The following ADH1C variants were observed in gnomAD, a reference collection of about 807,000 sequenced individuals.
ADH1C encodes alcohol dehydrogenase 1C.
ADH1C carries 26 observed loss-of-function variants against 35.0 expected under a neutral mutation model. That is an observed-to-expected ratio of 0.74 (90% CI 0.54 to 1.03). The LOEUF is 1.03. ADH1C is among the 50% of genes least tolerant of loss of function. The pLI is 0.00. For synonymous variants in ADH1C, 170 were observed against 169.3 expected (o/e 1.00, Z -0.03); for missense variants, 413 against 465.4 (o/e 0.89, Z 1.04).
chr4:99,344,406 G>A (rs1472479555), intron 5 of ADH1C, among the ~76,000 whole-genome samples: 1 of 152,186 alleles, frequency 6.6e-6, no homozygotes, highest in Non-Finnish European at 1.5e-5. Context: ...GGTGCATCAG[G>A]TAAGGTTTTG....
chr4:99,351,294 T>A (rs746533468), intron 1 of ADH1C, among the ~76,000 whole-genome samples: 1 of 152,356 alleles, frequency 6.6e-6, no homozygotes, highest in East Asian at 1.9e-4. Context: ...TTTTCACTAT[T>A]AATTTACTGA....
chr4:99,343,996 C>T (rs1734471282), intron 5 of ADH1C, among the ~76,000 whole-genome samples: 1 of 152,150 alleles, frequency 6.6e-6, no homozygotes, highest in Non-Finnish European at 1.5e-5. Context: ...GGGACAACAC[C>T]ACTTTCTACC....
chr4:99,348,065 C>T (rs1326766023), intron 1 of ADH1C, among the ~76,000 whole-genome samples: 2 of 151,798 alleles, frequency 1.3e-5, no homozygotes, highest in East Asian at 1.9e-4. Context: ...CAATAAGGCA[C>T]TTAGATAAAA....
chr4:99,344,753 G>A (rs926904082), intron 5 of ADH1C, 109 bp downstream of exon 5: 27 of 1,399,024 alleles, frequency 1.9e-5, no homozygotes, highest in Middle Eastern at 1.8e-4. Context: ...ACTCTTAATC[G>A]ACACTTCAAA....
rs777871146 is a variant in ADH1C, at chr4:99,336,769, T to C, written c.1111A>G (p.Thr371Ala). 3.1e-6 allele frequency: 5 copies of C among 1,613,714 alleles called. No individual in the cohort carries two copies. Residue 371 changes from threonine to alanine, a missense_variant, in exon 9 of 9, where the codon ACC becomes GCC. Physicochemically the swap from Thr to Ala is moderately conservative, Grantham distance 58. Transcript: ENST00000515683. Reference sequence around the variant, plus strand: ...GTATTGTTTCAAAACGTCAGGACGGTACGGATACTGCAATAGGAAAGAAGA... The same window carrying C: ...GTATTGTTTCAAAACGTCAGGACGGCACGGATACTGCAATAGGAAAGAAGA... ...DLLRSGKSIR[T>A]VLTF
At chr4:99,339,781 T>G in intron 7 of ADH1C, 66 bp from the exon 8 acceptor site, 2 of 1,494,042 alleles carry the variant, frequency 1.3e-6, no homozygotes, top group South Asian at 2.5e-5. Flanking sequence ...AGAGAAGATT[T>G]TCCAAATAAA....
intron 1 of ADH1C, among the ~76,000 whole-genome samples, chr4:99,349,804 TC>T (rs1734633572): frequency 1.4e-5 from 1 of 72,778 alleles, no homozygotes; most frequent in Admixed American, 1.3e-4. Flanking sequence ...TATGTGTGTT[TC>T]TGTGTGTGTG....
At chr4:99,349,375 T>G (rs1734619985) in intron 1 of ADH1C, among the ~76,000 whole-genome samples, 1 of 152,190 alleles carries the variant, frequency 6.6e-6, no homozygotes, top group Non-Finnish European at 1.5e-5. Context: ...CACCATTTAT[T>G]CTTTTGATTT....
chr4:99,341,418 A>G (rs892080062), intron 6 of ADH1C, among the ~76,000 whole-genome samples: 1 of 152,218 alleles, frequency 6.6e-6, no homozygotes, highest in Non-Finnish European at 1.5e-5. Flanking sequence ...TGGGAGACTG[A>G]CATCCTCAGA....
At chr4:99,344,219 G>A (rs1047885950) in intron 5 of ADH1C, among the ~76,000 whole-genome samples, 7 of 152,202 alleles carry the variant, frequency 4.6e-5, no homozygotes, top group Admixed American at 1.3e-4. Flanking sequence ...AGTCTACTCA[G>A]ATGAGGAGCC....
chr4:99,342,753 G>A (rs934526451), intron 6 of ADH1C, 42 bp downstream of exon 6: 1 of 1,613,158 alleles, frequency 6.2e-7, no homozygotes, highest in South Asian at 1.1e-5. Flanking sequence ...GCATCCTCCA[G>A]GTTGCAGAGG....
intron 3 of ADH1C, among the ~76,000 whole-genome samples, chr4:99,346,335 A>G (rs1434637838): frequency 5.9e-5 from 9 of 152,192 alleles, no homozygotes; most frequent in Non-Finnish European, 8.8e-5. Flanking sequence ...TAAAATAAAT[A>G]TTGAAGATAA....
Position 99,346,986 on chromosome 4 carries a change from C to T in ADH1C, c.259+20G>A, listed in dbSNP as rs769953475. 1.9e-6 allele frequency: 3 copies of T among 1,610,436 alleles called. No individual in the cohort carries two copies. In the South Asian group the frequency reaches 3.3e-5, roughly 18 times the overall value. On this transcript the variant is annotated intron_variant, in intron 3 of 8. Transcript: ENST00000515683. The stretch of plus-strand genomic sequence containing the variant: ...TGTGATGGTGAACCAAGGCATGTTC[C>T]CTGAGTGTGAATCCTGTACCTGGTT...
intron 2 of ADH1C, 89 bp from the exon 3 acceptor site, chr4:99,347,233 C>A (rs1304718386): frequency 6.8e-7 from 1 of 1,475,760 alleles, no homozygotes; most frequent in East Asian, 2.3e-5. Flanking sequence ...AATTGTTATT[C>A]AAAAATATTC....
chr4:99,348,102 T>TTTTTA (rs77595642), intron 1 of ADH1C, among the ~76,000 whole-genome samples: 46,960 of 151,498 alleles, frequency 0.31, 8,692 homozygotes, highest in Non-Finnish European at 0.41. Context: ...AGGTTATTCT[T>TTTTTA]TTTTATTTTA....
At chr4:99,347,648 T>TA in intron 2 of ADH1C, 97 bp downstream of exon 2, 1 of 1,216,360 alleles carries the variant, frequency 8.2e-7, no homozygotes, top group Non-Finnish European at 1.1e-6. Flanking sequence ...GATAATTATA[T>TA]AAAAAATACC....
At chr4:99,348,126 G>T (rs1734585622) in intron 1 of ADH1C, among the ~76,000 whole-genome samples, 1 of 143,068 alleles carries the variant, frequency 7.0e-6, no homozygotes, top group East Asian at 2.0e-4. Context: ...TATTTTTTTT[G>T]AATGTTTTTT....
rs1214406256 is a variant in ADH1C, at chr4:99,340,441, T to C, written c.964+134A>G. Reference sequence around the variant, plus strand: ...AAAAATAAAAAAGAAAAGTTCTGCATTATTGGAGACTATAGAAAAGAAATT... The same window carrying C: ...AAAAATAAAAAAGAAAAGTTCTGCACTATTGGAGACTATAGAAAAGAAATT... On this transcript the variant is annotated intron_variant, in intron 7 of 8. Coordinates refer to ENST00000515683, the MANE Select transcript of ADH1C (RefSeq NM_000669.5). 3.7e-6 allele frequency: 4 copies of C among 1,080,570 alleles called. No individual in the cohort carries two copies. The East Asian group carries it at 7.5e-5, about 20-fold the overall frequency. 66.9% of individuals were successfully genotyped at this position (1,080,570 alleles called of 1,614,324 possible).
Sources: allele counts gnomAD v4.1 joint callset (sites outside exome capture counted in the v4.1 genomes callset), GRCh38; gene constraint gnomAD v4.1.1; transcripts MANE v1.5; gene names NCBI Gene and HGNC (gene_info 2026-07-23, HGNC 2026-07-21).